The following CARS2 variants were observed in gnomAD, a reference collection of about 807,000 sequenced individuals.
CARS2 encodes probable cysteine--tRNA ligase, mitochondrial.
In CARS2, 52 loss-of-function variants were observed where a neutral mutation model predicts 68.8. The ratio of observed to expected loss-of-function variants is 0.76; its 90% confidence interval spans 0.61 to 0.95. The LOEUF is 0.95. Ranked by LOEUF, CARS2 falls within the 40% of genes least tolerant of loss-of-function variation. The probability of loss-of-function intolerance (pLI) is 0.00; values close to 1 mark genes in which losing one functional copy is unlikely to be tolerated. For synonymous variants in CARS2, 314 were observed against 303.6 expected (o/e 1.03, Z -0.36); for missense variants, 780 against 754.2 (o/e 1.03, Z -0.40).
At chr13:110,700,296 A>G (rs893480078) in intron 3 of CARS2, among the ~76,000 whole-genome samples, 11 of 152,228 alleles carry the variant, frequency 7.2e-5, no homozygotes, top group Non-Finnish European at 7.3e-5. Flanking sequence ...AACAGAAAAG[A>G]AAGAGGCGCT....
rs539198309 is a variant in CARS2, at chr13:110,712,528, G to GA, written n.399+608dup. On this transcript the variant is annotated intron_variant and non_coding_transcript_variant, in intron 1 of 2. Transcript: ENST00000485188. ...CCAGGAGGGGCGGGCCCTTTGGCCG[G>GA]AAGGGGGGGGGCCGGCGCGCGGGGC... is the stretch of plus-strand genomic sequence containing the variant. 2.0e-3 allele frequency: 506 copies of GA among 249,494 alleles called. 6 individuals are homozygous for GA. Among genetic ancestry groups the GA allele is most frequent in the African/African-American group, 0.018 (465 of 26,052 alleles). 15.5% of individuals were successfully genotyped at this position (249,494 alleles called of 1,614,324 possible).
chr13:110,642,252 C>G, intron 14 of CARS2, 63 bp downstream of exon 14: 1 of 1,312,792 alleles, frequency 7.6e-7, no homozygotes, highest in Non-Finnish European at 1.1e-6. Flanking sequence ...CTCTGATGGC[C>G]CCACGTCCTG....
At chr13:110,694,305 C>T (rs150625782) in intron 3 of CARS2, among the ~76,000 whole-genome samples, 5,061 of 149,232 alleles carry the variant, frequency 0.034, 303 homozygotes, top group African/African-American at 0.12. Context: ...GGATTACAGG[C>T]GTGAGCCACC....
chr13:110,699,887 A>C (rs948839051), intron 3 of CARS2, among the ~76,000 whole-genome samples: 1 of 152,230 alleles, frequency 6.6e-6, no homozygotes, highest in Non-Finnish European at 1.5e-5. Context: ...CTGCCTGTAC[A>C]ACCTCATCCA....
At chr13:110,706,291 G>T (rs888065511), upstream of CARS2, 2 of 344,394 alleles carry the variant, frequency 5.8e-6, no homozygotes, top group Non-Finnish European at 1.0e-5. Flanking sequence ...ACCAGGGCCC[G>T]AAGAGGTTGG....
intron 11 of CARS2, chr13:110,646,814 C>A: frequency 2.8e-6 from 1 of 358,660 alleles, no homozygotes. Context: ...CCTGACCCCA[C>A]ACCTCCTGTC....
intron 3 of CARS2, among the ~76,000 whole-genome samples, chr13:110,691,345 C>A (rs1328272699): frequency 2.6e-5 from 4 of 152,094 alleles, no homozygotes; most frequent in South Asian, 4.1e-4. Flanking sequence ...AGAAATTAAC[C>A]TTTTATCGCT....
chr13:110,683,814 C>G (rs993493973), intron 5 of CARS2, among the ~76,000 whole-genome samples: 1 of 152,136 alleles, frequency 6.6e-6, no homozygotes, highest in Non-Finnish European at 1.5e-5. Flanking sequence ...CTGAAGAGTT[C>G]GAGACCAGCC....
At chr13:110,713,411 G>T in exon 1 of CARS2, 1 of 1,014,898 alleles carries the variant, frequency 9.9e-7, no homozygotes, top group Non-Finnish European at 1.2e-6. Flanking sequence ...CCGCCCAACA[G>T]GCTCTGCCTC....
intron 3 of CARS2, among the ~76,000 whole-genome samples, chr13:110,696,574 A>T (rs2063630057): frequency 6.6e-6 from 1 of 152,240 alleles, no homozygotes; most frequent in Admixed American, 6.5e-5. Flanking sequence ...GGTTTCAGAT[A>T]CATGTTTTAT....
At chr13:110,712,872 T>C (rs1275251019) in intron 1 of CARS2, 1 of 1,352,092 alleles carries the variant, frequency 7.4e-7, no homozygotes, top group African/African-American at 1.4e-5. Flanking sequence ...CTCCAAGCCG[T>C]TCCAAACTGA....
At chr13:110,693,109 C>CAAA (rs776745304) in intron 3 of CARS2, among the ~76,000 whole-genome samples, 52 of 59,410 alleles carry the variant, frequency 8.8e-4, no homozygotes, top group East Asian at 1.1e-3. Flanking sequence ...GACTCTGTCT[C>CAAA]AAAAAAAAAA....
chr13:110,650,754 C>T (rs147160751), intron 10 of CARS2: 5 of 372,630 alleles, frequency 1.3e-5, no homozygotes, highest in African/African-American at 6.3e-5. Flanking sequence ...AGCAGGAAGC[C>T]GAGGTGCTGC....
chr13:110,712,593 C>T (rs2064042996), intron 1 of CARS2: 1 of 403,282 alleles, frequency 2.5e-6, no homozygotes, highest in South Asian at 2.2e-5. Context: ...GTCCAGGCTT[C>T]TCAGAAAGCC....
At chr13:110,712,720 C>G (rs888694276) in intron 1 of CARS2, 3 of 694,824 alleles carry the variant, frequency 4.3e-6, no homozygotes, top group African/African-American at 3.5e-5. Flanking sequence ...GCGGCCTTTC[C>G]AAGTGTGGGG....
At chr13:110,679,908 T>C (rs1439285508) in intron 6 of CARS2, among the ~76,000 whole-genome samples, 3 of 152,114 alleles carry the variant, frequency 2.0e-5, no homozygotes, top group African/African-American at 4.8e-5. Context: ...TAAAACGGCA[T>C]GTGCACTGAA....
Position 110,676,325 on chromosome 13 carries a change from G to C in CARS2, c.785+649C>G, listed in dbSNP as rs987363695. ...CAGGTGCGTCCAAGGGGACCAGGGA[G>C]AAGGCGGAGAAAGCTCTACTGAGAG... On this transcript the variant is annotated intron_variant, in intron 7 of 14. Transcript: ENST00000257347. The surrounding 1 kb of genome is among the most constrained non-coding windows in gnomAD (Gnocchi z 4.0). 6.6e-6 allele frequency among the ~76,000 whole-genome samples: 1 copy of C among 152,246 alleles called. No homozygotes were observed. The highest frequency in any genetic ancestry group is 1.5e-5 in the Non-Finnish European group (1 of 68,046).
intron 13 of CARS2, chr13:110,644,009 G>A (rs1005316107): frequency 1.2e-6 from 1 of 861,898 alleles, no homozygotes; most frequent in Non-Finnish European, 1.6e-6. Context: ...TGCCAGGCAA[G>A]GGGGCTCAGG....
chr13:110,677,642 GTCACCCCCACCAGGGAGA>G, intron 6 of CARS2, among the ~76,000 whole-genome samples: 1 of 21,064 alleles, frequency 4.7e-5, no homozygotes, highest in African/African-American at 1.4e-4. Context: ...CAGAAACTCA[GTCACCCCCACCAGGGAGA>G]CCCAGACAAT....
Sources: allele counts gnomAD v4.1 joint callset (sites outside exome capture counted in the v4.1 genomes callset), GRCh38; gene constraint gnomAD v4.1.1; non-coding constraint Gnocchi (gnomAD v3.1); transcripts MANE v1.5; gene names NCBI Gene and HGNC (gene_info 2026-07-23, HGNC 2026-07-21).